Variants in GPC4 observed in about 807,000 individuals in gnomAD.
GPC4 encodes the protein glypican-4.
In GPC4, 10 loss-of-function variants were observed where a neutral mutation model predicts 35.0. The observed-to-expected ratio is 0.29, with a 90% CI of 0.18 to 0.48. The LOEUF (loss-of-function observed/expected upper bound fraction) is 0.48. GPC4 is among the 20% of genes least tolerant of loss of function. The pLI, the probability that GPC4 is intolerant of heterozygous loss-of-function variation, is 0.99. For synonymous variants in GPC4, 167 were observed against 170.2 expected (o/e 0.98, Z 0.15); for missense variants, 322 against 451.3 (o/e 0.71, Z 2.60).
At chrX:133,315,320 A>G (rs1045095004) in intron 3 of GPC4, among the ~76,000 whole-genome samples, 8 of 109,925 alleles carry the variant, frequency 7.3e-5, no homozygotes, top group Non-Finnish European at 1.3e-4. Context: ...TCTCTCGTGG[A>G]GCTTCTGGTG....
At chrX:133,406,496 T>C (rs1010671263) in intron 1 of GPC4, among the ~76,000 whole-genome samples, 3 of 111,840 alleles carry the variant, frequency 2.7e-5, no homozygotes, top group Non-Finnish European at 5.6e-5. Flanking sequence ...ACGCCTGTAA[T>C]CCCAGCACTT....
chrX:133,414,720 G>A lies in GPC4; in HGVS notation c.160+86C>T, dbSNP rs2068830207. The A allele has an allele frequency of 7.9e-6, 9 of 1,146,408 alleles. No individual in the cohort carries two copies. In the Admixed American group the frequency reaches 1.5e-4, roughly 20 times the overall value. 94.5% of individuals were successfully genotyped at this position (1,146,408 alleles called of 1,213,427 possible). On this transcript the variant is annotated intron_variant, in intron 1 of 8. Transcript: ENST00000370828. ...TCTAGTGTACCTGCGTCCGGCGCAG[G>A]GGGCGGCGGGGCGGGGGAAGGGAGT...
chrX:133,359,958 T>C (rs1461749718), intron 1 of GPC4, among the ~76,000 whole-genome samples: 3 of 110,631 alleles, frequency 2.7e-5, no homozygotes, highest in Non-Finnish European at 5.7e-5. Context: ...GTAAATCTAA[T>C]TTCCATAATC....
chrX:133,414,678 G>A (rs1351496931), intron 1 of GPC4, 128 bp downstream of exon 1: 4 of 1,143,153 alleles, frequency 3.5e-6, no homozygotes, highest in Admixed American at 2.6e-5. Context: ...CTGCCCTCTC[G>A]ACTGCCCATT....
Position 133,301,898 on chromosome X carries a change from C to G in GPC4, c.*969G>C, listed in dbSNP as rs1407941000. ...CTGTACATAATTGGGTTTGAAATCT[C>G]GACCACTCTAACAAAGGATATTAAT... On this transcript the variant is annotated 3_prime_UTR_variant, in exon 9 of 9. Coordinates refer to ENST00000370828, the MANE Select transcript of GPC4 (RefSeq NM_001448.3). 1 of 111,223 alleles carries G rather than the reference C, an allele frequency of 9.0e-6. No homozygotes were observed. The highest frequency in any genetic ancestry group is 3.3e-5 in the African/African-American group (1 of 30,518). The allele number at this position is 111,223 out of a possible 1,213,427, so 9.2% of individuals were successfully genotyped here.
intron 1 of GPC4, among the ~76,000 whole-genome samples, chrX:133,344,189 T>TG (rs2068479726): frequency 2.3e-5 from 2 of 87,332 alleles, no homozygotes; most frequent in Admixed American, 1.5e-4. Context: ...TCTTTCTTTC[T>TG]GGTTTTTTTT....
intron 1 of GPC4, among the ~76,000 whole-genome samples, chrX:133,383,452 G>C (rs2068672808): frequency 9.0e-6 from 1 of 110,938 alleles, no homozygotes; most frequent in Admixed American, 9.7e-5. Context: ...GAGCACAGAG[G>C]AATTTTAGGG....
intron 1 of GPC4, among the ~76,000 whole-genome samples, chrX:133,362,578 T>C (rs1418123345): frequency 9.0e-6 from 1 of 111,536 alleles, no homozygotes; most frequent in East Asian, 2.8e-4. Context: ...TTTAGAACAA[T>C]GCCTTCTTAA....
At chrX:133,351,314 AT>A (rs1340957563) in intron 1 of GPC4, among the ~76,000 whole-genome samples, 2 of 110,503 alleles carry the variant, frequency 1.8e-5, no homozygotes, top group Non-Finnish European at 3.8e-5. Flanking sequence ...CCACAATTCC[AT>A]GGTGTGCCAG....
intron 1 of GPC4, among the ~76,000 whole-genome samples, chrX:133,351,370 G>GC (rs199750515): frequency 0.013 from 1,113 of 87,143 alleles, 29 homozygotes; most frequent in African/African-American, 0.048. Flanking sequence ...CCCATCAACT[G>GC]CCCCCCGCCA....
At chrX:133,355,665 G>A (rs749000685) in intron 1 of GPC4, among the ~76,000 whole-genome samples, 1 of 111,711 alleles carries the variant, frequency 9.0e-6, no homozygotes, top group South Asian at 3.8e-4. Context: ...TTTTGGATGT[G>A]TGCACCATCC....
At chrX:133,413,872 G>A (rs2068824350) in intron 1 of GPC4, among the ~76,000 whole-genome samples, 1 of 111,298 alleles carries the variant, frequency 9.0e-6, no homozygotes. Flanking sequence ...CCTCCCCAGC[G>A]CTCCGAGAGG....
Position 133,384,473 on chromosome X carries a change from T to C in GPC4, c.160+30333A>G, listed in dbSNP as rs2068678965. On this transcript the variant is annotated intron_variant, in intron 1 of 8. Coordinates refer to ENST00000370828, the MANE Select transcript of GPC4 (RefSeq NM_001448.3). ...GCTATAAATGTCTCAGTCTTCGGTT[T>C]GAAAGGTTACGTAAGGATGCACAAT... is the stretch of plus-strand genomic sequence containing the variant. Among the ~76,000 whole-genome samples, 3 of 111,497 alleles carry C rather than the reference T, an allele frequency of 2.7e-5. No individual in the cohort carries two copies. In the South Asian group the frequency reaches 1.1e-3, roughly 42 times the overall value.
chrX:133,415,308 G>A lies in GPC4; in HGVS notation c.-343C>T. On this transcript the variant is annotated 5_prime_UTR_variant, in exon 1 of 9. Coordinates refer to ENST00000370828, the MANE Select transcript of GPC4 (RefSeq NM_001448.3). ...TGACTGGCCGGCGAGGCGGGGACGC[G>A]GGGAAGGAGGGAAGGGTGGCAGGCG... is the stretch of plus-strand genomic sequence containing the variant. The A allele has an allele frequency of 8.7e-6, 2 of 229,861 alleles. No individual in the cohort carries two copies. The highest frequency in any genetic ancestry group is 1.5e-5 in the Non-Finnish European group (2 of 129,860). 18.9% of individuals were successfully genotyped at this position (229,861 alleles called of 1,213,427 possible).
At chrX:133,362,486 C>T (rs1382069626) in intron 1 of GPC4, among the ~76,000 whole-genome samples, 1 of 111,880 alleles carries the variant, frequency 8.9e-6, no homozygotes, top group Non-Finnish European at 1.9e-5. Flanking sequence ...CCCAGCACTG[C>T]TCCCAGTTTA....
chrX:133,392,255 C>T (rs1002658521), intron 1 of GPC4, among the ~76,000 whole-genome samples: 7 of 101,418 alleles, frequency 6.9e-5, no homozygotes, highest in African/African-American at 2.2e-4. Flanking sequence ...TAAATATTAA[C>T]GTACAATAAA....
At chrX:133,405,904 G>A (rs1209348534) in intron 1 of GPC4, among the ~76,000 whole-genome samples, 1 of 111,979 alleles carries the variant, frequency 8.9e-6, no homozygotes, top group Non-Finnish European at 1.9e-5. Flanking sequence ...AATTTCTGAA[G>A]GCCTTTTCTC....
rs1232678225 is a variant in GPC4, at chrX:133,415,075, G to A, written c.-110C>T. 2 of 798,923 alleles carry A rather than the reference G, an allele frequency of 2.5e-6. No homozygotes were observed. The highest frequency in any genetic ancestry group is 1.8e-6 in the Non-Finnish European group (1 of 566,264). The allele number at this position is 798,923 out of a possible 1,213,427, so 65.8% of individuals were successfully genotyped here. ...CGGGGACTAGCGAGTGGAGCTGGAG[G>A]GAGAAGGAGTTGGAGTTGGTGGAAG... On this transcript the variant is annotated 5_prime_UTR_variant, in exon 1 of 9. Transcript: ENST00000370828.
chrX:133,383,620 C>T (rs1338284797), intron 1 of GPC4, among the ~76,000 whole-genome samples: 3 of 111,026 alleles, frequency 2.7e-5, no homozygotes, highest in Middle Eastern at 4.7e-3. Flanking sequence ...TGGAGGCAGG[C>T]GGATCTCTTG....
Sources: allele counts gnomAD v4.1 joint callset (sites outside exome capture counted in the v4.1 genomes callset), GRCh38; gene constraint gnomAD v4.1.1; transcripts MANE v1.5; gene names NCBI Gene and HGNC (gene_info 2026-07-23, HGNC 2026-07-21).